Variants in UTY observed in about 807,000 individuals in gnomAD.
UTY encodes histone demethylase UTY.
UTY carries 12 observed loss-of-function variants against 32.5 expected under a neutral mutation model. The observed-to-expected ratio is 0.37, with a 90% CI of 0.24 to 0.60. UTY has a LOEUF of 0.60. UTY is among the 20% of genes least tolerant of loss of function. The pLI, the probability that UTY is intolerant of heterozygous loss-of-function variation, is 0.69. For missense variants in UTY, 303 were observed against 299.2 expected, an observed-to-expected ratio of 1.01 and a Z score of -0.09; for synonymous variants, 131 against 103.4, an observed-to-expected ratio of 1.27 and a Z score of -1.62.
chrY:13,319,779 G>A (rs973397965), intron 21 of UTY, among the ~76,000 whole-genome samples: 10 of 33,514 alleles, frequency 3.0e-4, no homozygotes, highest in African/African-American at 1.1e-3. Context: ...TATACAGATT[G>A]TTTATAAAAT....
At chrY:13,449,748 T>C (rs766338681) in intron 3 of UTY, among the ~76,000 whole-genome samples, 1 of 33,282 alleles carries the variant, frequency 3.0e-5, no homozygotes, top group African/African-American at 1.2e-4. Context: ...ATTATATTCC[T>C]GGGGATAGGC....
intron 17 of UTY, among the ~76,000 whole-genome samples, chrY:13,350,955 C>A (rs2062361039): frequency 6.1e-5 from 2 of 32,833 alleles, no homozygotes; most frequent in Non-Finnish European, 1.5e-4. Context: ...ACTTGGAGAG[C>A]TCGGTTGTTG....
intron 17 of UTY, among the ~76,000 whole-genome samples, chrY:13,351,108 C>G (rs774998429): frequency 3.2e-5 from 1 of 31,648 alleles, no homozygotes; most frequent in South Asian, 7.1e-4. Context: ...CCTGCCCTTT[C>G]TCCTTGCAAA....
chrY:13,371,628 C>G, intron 8 of UTY, among the ~76,000 whole-genome samples: 2 of 33,536 alleles, frequency 6.0e-5, no homozygotes, highest in African/African-American at 2.3e-4. Context: ...CTTTTTCCAG[C>G]GTACCTGCAT....
intron 27 of UTY, among the ~76,000 whole-genome samples, chrY:13,280,898 A>C: frequency 3.1e-5 from 1 of 32,150 alleles, no homozygotes; most frequent in Non-Finnish European, 7.6e-5. Flanking sequence ...GAAAGACCTA[A>C]AAGCAGTGAC....
chrY:13,236,382 A>G, intron 28 of UTY, among the ~76,000 whole-genome samples: 1 of 31,776 alleles, frequency 3.1e-5, no homozygotes, highest in Non-Finnish European at 7.6e-5. Context: ...AAGATATAAG[A>G]GAAAATCTGA....
chrY:13,460,115 C>G, intron 3 of UTY, among the ~76,000 whole-genome samples: 1 of 32,760 alleles, frequency 3.1e-5, no homozygotes, highest in Non-Finnish European at 7.4e-5. Flanking sequence ...CTGAAATTCA[C>G]TGTTTCATTA....
At chrY:13,258,531 A>C (rs756421210) in intron 28 of UTY, among the ~76,000 whole-genome samples, 1 of 34,011 alleles carries the variant, frequency 2.9e-5, no homozygotes, top group South Asian at 6.5e-4. Flanking sequence ...AAGAATAAAA[A>C]AGCATCTAGA....
intron 27 of UTY, among the ~76,000 whole-genome samples, chrY:13,282,310 G>C (rs2148607817): frequency 3.0e-5 from 1 of 32,913 alleles, no homozygotes; most frequent in South Asian, 6.8e-4. Context: ...TGAGGGAAGA[G>C]AGAGAGACCC....
At chrY:13,414,610 G>C (rs2071422420) in intron 5 of UTY, 125 bp downstream of exon 5, 2 of 180,328 alleles carry the variant, frequency 1.1e-5, no homozygotes, top group South Asian at 9.9e-5. Context: ...TACTGGCCAA[G>C]ATGAAAGAAT....
intron 9 of UTY, among the ~76,000 whole-genome samples, chrY:13,368,097 G>C (rs2064397901): frequency 5.0e-5 from 1 of 20,001 alleles, no homozygotes; most frequent in African/African-American, 2.1e-4. Context: ...ACGGAGTCTC[G>C]CTCTGTCGCC....
chrY:13,293,201 A>C, intron 27 of UTY, among the ~76,000 whole-genome samples: 1 of 33,892 alleles, frequency 3.0e-5, no homozygotes, highest in African/African-American at 1.1e-4. Context: ...TGTGGGCAGA[A>C]ATGAAAAGCT....
downstream of UTY, among the ~76,000 whole-genome samples, chrY:13,245,753 AC>A (rs2053940773): frequency 3.0e-5 from 1 of 33,654 alleles, no homozygotes; most frequent in African/African-American, 1.2e-4. Context: ...GATTTTGCAA[AC>A]TTATTGATTC....
At chrY:13,430,494 G>A in intron 4 of UTY, among the ~76,000 whole-genome samples, 1 of 33,451 alleles carries the variant, frequency 3.0e-5, no homozygotes, top group African/African-American at 1.2e-4. Flanking sequence ...TAGTTTGTGA[G>A]TACACATTCA....
At chrY:13,297,677 G>C in intron 27 of UTY, 30 bp downstream of exon 27, 1 of 397,950 alleles carries the variant, frequency 2.5e-6, no homozygotes, top group Non-Finnish European at 3.5e-6. Context: ...CCCCCAAAGA[G>C]AAACTGCAGC....
In UTY at chrY:13,321,037, T is replaced by C. The variant is rs780577619; in HGVS notation, c.3276+2518A>G. Among the ~76,000 whole-genome samples, 27 of 33,079 alleles carry C rather than the reference T, an allele frequency of 8.2e-4. No individual in the cohort carries two copies. In the East Asian group the frequency reaches 0.021, roughly 26 times the overall value. 88.7% of individuals were successfully genotyped at this position (33,079 alleles called of 37,273 possible). A position where few individuals can be genotyped will look rare whatever the true frequency, so the allele number is the denominator to read the frequency against. On this transcript the variant is annotated intron_variant, in intron 21 of 29. Coordinates refer to ENST00000545955, the MANE Select transcript of UTY (RefSeq NM_001258249.2). ...AATTCAACCAACTCATAGGTATTAA[T>C]AGCACAAATGCAAGGCTGGGCTCAG...
Position 13,355,364 on chromosome Y carries a change from G to C in UTY, c.1700C>G (p.Thr567Ser), listed in dbSNP as rs1198070065. Reference protein sequence around the residue: ...RHKEVAQVRTTGIHNGAITDS... With the variant: ...RHKEVAQVRTSGIHNGAITDS... ...AGTTATGGCCCCGTTATGAATTCCA[G>C]TAGTTCGTACCTGAGCAACTTCTTT... Residue 567 changes from threonine to serine, a missense_variant, in exon 17 of 30, where the codon ACT (threonine) becomes AGT (serine). Coordinates refer to ENST00000545955, the MANE Select transcript of UTY (RefSeq NM_001258249.2). 1 of 398,567 alleles carries C rather than the reference G, an allele frequency of 2.5e-6. No homozygotes were observed. The highest frequency in any genetic ancestry group is 3.5e-6 in the Non-Finnish European group (1 of 283,498).
At position 13,274,510 on chromosome Y, in the gene UTY, G is replaced by A. The variant is rs368590587; in HGVS notation, c.4011-14106C>T. ...AAGTATAATAATAAAAAAATAAATA[G>A]GCCAGGTGCAGTGGCTCCCAGCACT... On this transcript the variant is annotated intron_variant, in intron 27 of 29. Coordinates refer to ENST00000545955, the MANE Select transcript of UTY (RefSeq NM_001258249.2). Among the ~76,000 whole-genome samples the A allele has an allele frequency of 7.7e-4, 25 of 32,374 alleles. No homozygotes were observed. The East Asian group carries it at 8.7e-3, about 11-fold the overall frequency. The allele number at this position is 32,374 out of a possible 37,273, so 86.9% of individuals were successfully genotyped here.
intron 28 of UTY, among the ~76,000 whole-genome samples, chrY:13,253,054 G>T: frequency 1.2e-4 from 4 of 32,925 alleles, no homozygotes; most frequent in African/African-American, 2.4e-4. Context: ...CCCATTCGTG[G>T]GGGCTCGAAT....
Sources: allele counts gnomAD v4.1 joint callset (sites outside exome capture counted in the v4.1 genomes callset), GRCh38; gene constraint gnomAD v4.1.1; transcripts MANE v1.5; gene names NCBI Gene and HGNC (gene_info 2026-07-23, HGNC 2026-07-21).